Variants in PIEZO2 observed in about 807,000 individuals in gnomAD.
The protein encoded by PIEZO2 is piezo-type mechanosensitive ion channel component 2.
PIEZO2 carries 172 observed loss-of-function variants against 337.3 expected under a neutral mutation model. The observed-to-expected ratio is 0.51, with a 90% confidence interval of 0.45 to 0.58. PIEZO2 has a LOEUF of 0.58. Among genes scored for constraint, PIEZO2 ranks in the 20% least tolerant of loss-of-function variants. The pLI, the probability that PIEZO2 is intolerant of heterozygous loss-of-function variation, is 0.00. For synonymous variants in PIEZO2, 1,251 were observed against 1,228.5 expected (o/e 1.02, Z -0.38); for missense variants, 3,028 against 3,391.3 (o/e 0.89, Z 2.66).
chr18:10,756,849 G>T (rs2037881198), intron 27 of PIEZO2, among the ~76,000 whole-genome samples: 1 of 149,022 alleles, frequency 6.7e-6, no homozygotes. Context: ...GATTAAGGAT[G>T]AAGGATGAGA....
intron 2 of PIEZO2, among the ~76,000 whole-genome samples, chr18:11,034,162 C>A (rs1457473472): frequency 1.3e-5 from 2 of 151,340 alleles, no homozygotes; most frequent in African/African-American, 2.4e-5. Flanking sequence ...CTGCTCCTCT[C>A]TCCAAAATAG....
chr18:10,693,659 C>G (rs764342809), intron 47 of PIEZO2, among the ~76,000 whole-genome samples: 3 of 151,666 alleles, frequency 2.0e-5, no homozygotes, highest in Non-Finnish European at 4.4e-5. Flanking sequence ...AGCCACCATG[C>G]CCAACCCAAT....
At chr18:10,955,115 TGAACAGCTCCAGGA>T (rs1298894776) in intron 3 of PIEZO2, among the ~76,000 whole-genome samples, 1 of 152,196 alleles carries the variant, frequency 6.6e-6, no homozygotes, top group African/African-American at 2.4e-5. Flanking sequence ...TCGCTTTACT[TGAACAGCTCCAGGA>T]GAACAAAAGT....
chr18:11,117,381 C>A lies in PIEZO2; in HGVS notation c.64+31144G>T, dbSNP rs552363795. Among the ~76,000 whole-genome samples the A allele has an allele frequency of 7.2e-5, 11 of 152,266 alleles. No homozygotes were observed. In the South Asian group the frequency reaches 2.3e-3, roughly 32 times the overall value. On this transcript the variant is annotated intron_variant, in intron 1 of 55. Coordinates refer to ENST00000674853, the MANE Select transcript of PIEZO2 (RefSeq NM_001378183.1). ...CAGCACCAGGGATGTACCCAACTAG[C>A]GGATGAGCACACATTCTAGCCTTTG...
In PIEZO2 at chr18:11,028,525, T is replaced by C. The variant is rs574316637; in HGVS notation, c.160+37602A>G. ...ATCCGCCAGCCTTGGACTCCCAAAG[T>C]GCTGGGATTACAGGTGTGAGCTACC... On this transcript the variant is annotated intron_variant, in intron 2 of 55. Coordinates refer to ENST00000674853, the MANE Select transcript of PIEZO2 (RefSeq NM_001378183.1). The surrounding 1 kb of genome is among the most constrained non-coding windows in gnomAD (Gnocchi z 4.8). Among the ~76,000 whole-genome samples the C allele has an allele frequency of 2.0e-5, 3 of 152,300 alleles. No individual in the cohort carries two copies. Among genetic ancestry groups the C allele is most frequent in the South Asian group, 4.1e-4 (2 of 4,824 alleles).
intron 2 of PIEZO2, among the ~76,000 whole-genome samples, chr18:11,019,339 T>C (rs905775626): frequency 2.6e-5 from 4 of 152,222 alleles, no homozygotes; most frequent in African/African-American, 9.6e-5. Flanking sequence ...CTTTATGGTG[T>C]CTGCCAAGGC....
chr18:10,773,947 A>G lies in PIEZO2; in HGVS notation c.2567+59T>C. The G allele has an allele frequency of 1.4e-6, 1 of 701,618 alleles. No individual in the cohort carries two copies. 43.5% of individuals were successfully genotyped at this position (701,618 alleles called of 1,614,324 possible). ...AGAAAATGGTCAGAGTTTAGGGTGT[A>G]GAAGCATGAAATGGCATCATGTAGA... On this transcript the variant is annotated intron_variant, in intron 19 of 55. Coordinates refer to ENST00000674853, the MANE Select transcript of PIEZO2 (RefSeq NM_001378183.1). The surrounding 1 kb of genome is among the most constrained non-coding windows in gnomAD (Gnocchi z 5.3).
rs148398855 is a variant in PIEZO2 at position 10,689,568 on chromosome 18, T to C, written c.7497+87A>G. On this transcript the variant is annotated intron_variant, in intron 49 of 55. Transcript: ENST00000674853. ...TGGTAGTTTTTGCCTCATGCCTTCA[T>C]TGTGAGCAGAAGTTCACATTCATCT... 1.8e-4 allele frequency: 290 copies of C among 1,567,612 alleles called. No homozygotes were observed. The Middle Eastern group carries it at 3.7e-3, about 20-fold the overall frequency.
intron 4 of PIEZO2, among the ~76,000 whole-genome samples, chr18:10,880,844 A>T: frequency 1.0e-5 from 1 of 99,342 alleles, no homozygotes; most frequent in South Asian, 3.4e-4. Context: ...CTTCCCACAT[A>T]TCATATATAT....
chr18:10,697,672 C>CAGAGAAGTATTTATACT, intron 45 of PIEZO2, 76 bp downstream of exon 45: 2 of 1,545,808 alleles, frequency 1.3e-6, no homozygotes, highest in East Asian at 4.5e-5. Context: ...CTCTGCTCTG[C>CAGAGAAGTATTTATACT]TCCTGGTTTA....
At chr18:10,802,607 G>C (rs915330501) in intron 9 of PIEZO2, among the ~76,000 whole-genome samples, 1 of 152,150 alleles carries the variant, frequency 6.6e-6, no homozygotes, top group East Asian at 1.9e-4. Flanking sequence ...AATCTGTTGT[G>C]ATGTGGTGTT....
rs1028001196 is a variant in PIEZO2, at chr18:10,781,986, G to A, written c.2493-1620C>T. ...TCATTTTGATTTTAATGTAGCCATT[G>A]TATTAGGACTCCAAGGACAAAAAAT... On this transcript the variant is annotated intron_variant, in intron 17 of 55. Coordinates refer to ENST00000674853, the MANE Select transcript of PIEZO2 (RefSeq NM_001378183.1). This position sits in a 1 kb window ranked among gnomAD's most constrained non-coding sequence, Gnocchi z 4.1. Among the ~76,000 whole-genome samples, 14 of 151,332 alleles carry A rather than the reference G, an allele frequency of 9.3e-5. No individual in the cohort carries two copies. The highest frequency in any genetic ancestry group is 1.2e-4 in the Non-Finnish European group (8 of 67,958).
intron 4 of PIEZO2, among the ~76,000 whole-genome samples, chr18:10,882,693 T>A (rs1407549387): frequency 6.6e-6 from 1 of 152,236 alleles, no homozygotes; most frequent in Admixed American, 6.5e-5. Context: ...AGCTCCCACA[T>A]ATGAATGAGG....
At chr18:10,995,077 C>CAAAAA (rs767666232) in intron 2 of PIEZO2, among the ~76,000 whole-genome samples, 3 of 28,282 alleles carry the variant, frequency 1.1e-4, no homozygotes, top group Non-Finnish European at 1.5e-4. Flanking sequence ...GACTCCGTCT[C>CAAAAA]AAAAAAAAAA....
Position 10,855,387 on chromosome 18 carries a change from G to C in PIEZO2, c.883C>G (p.Gln295Glu), listed in dbSNP as rs1417385892. 4 of 1,536,934 alleles carry C rather than the reference G, an allele frequency of 2.6e-6. No individual in the cohort carries two copies. The East Asian group carries it at 9.8e-5, about 38-fold the overall frequency. ...TAGTCATTGGGTGGAACTGCCTCTTGAAAGAATTGGAACTGGTATAAATAA... is the reference window on the plus strand; with the variant it reads ...TAGTCATTGGGTGGAACTGCCTCTTCAAAGAATTGGAACTGGTATAAATAA... The part of the protein sequence containing the change: ...GLYLYQFQFF[Q>E]EAVPPNDYYA... The change falls in exon 7 of 56, where the codon CAA becomes GAA. Residue 295 changes from glutamine (Q) to glutamate (E), a missense_variant. Coordinates refer to ENST00000674853, the MANE Select transcript of PIEZO2 (RefSeq NM_001378183.1). This position sits in a 1 kb window ranked among gnomAD's most constrained non-coding sequence, Gnocchi z 4.9.
At position 11,069,726 on chromosome 18, in the gene PIEZO2, G is replaced by A. The variant is rs1568347039; in HGVS notation, c.65-3504C>T. 6.6e-6 allele frequency among the ~76,000 whole-genome samples: 1 copy of A among 152,148 alleles called. No homozygotes were observed. Among genetic ancestry groups the A allele is most frequent in the Non-Finnish European group, 1.5e-5 (1 of 68,028 alleles). ...AATACATCAAAATTGGAAAGGAAGA[G>A]GCAAAGCAAATTTGTGTTTGCAGAT... is the stretch of plus-strand genomic sequence containing the variant. On this transcript the variant is annotated intron_variant, in intron 1 of 55. Transcript: ENST00000674853. The surrounding 1 kb of genome is among the most constrained non-coding windows in gnomAD (Gnocchi z 4.9).
intron 3 of PIEZO2, among the ~76,000 whole-genome samples, chr18:10,941,814 A>AAG: frequency 6.6e-6 from 1 of 152,216 alleles, no homozygotes. Flanking sequence ...GACCAAAATG[A>AAG]CTGATACCGT....
chr18:11,005,183 A>T (rs1016864616), intron 2 of PIEZO2, among the ~76,000 whole-genome samples: 2 of 152,220 alleles, frequency 1.3e-5, no homozygotes, highest in Non-Finnish European at 2.9e-5. Context: ...TAGGCTATTG[A>T]GTCCATTCCC....
intron 7 of PIEZO2, among the ~76,000 whole-genome samples, chr18:10,840,276 C>A (rs183894905): frequency 4.3e-4 from 65 of 152,194 alleles, no homozygotes; most frequent in Non-Finnish European, 7.9e-4. Flanking sequence ...TTTTTGATGT[C>A]ATAGAGATAA....
Sources: gnomAD v4.1 joint callset for allele counts (sites outside exome capture counted in the v4.1 genomes callset) on GRCh38, gnomAD v4.1.1 for gene constraint, Gnocchi (gnomAD v3.1) non-coding constraint, MANE v1.5 for transcripts, NCBI Gene and HGNC (gene_info 2026-07-23, HGNC 2026-07-21) for gene names.